WDPCP: variants seen among roughly 807,000 people sequenced by gnomAD.
The protein encoded by WDPCP is WD repeat containing planar cell polarity effector, also known as WD repeat-containing and planar cell polarity effector protein fritz homolog.
In WDPCP, 71 loss-of-function variants were observed where a neutral mutation model predicts 93.1. The ratio of observed to expected loss-of-function variants is 0.76; its 90% CI spans 0.63 to 0.93. WDPCP has a LOEUF of 0.93. Ranked by LOEUF, WDPCP falls within the 40% of genes least tolerant of loss-of-function variation. WDPCP has a pLI of 0.00. For synonymous variants in WDPCP, 315 were observed against 315.0 expected (o/e 1.00, Z 0.00); for missense variants, 844 against 887.4 (o/e 0.95, Z 0.62).
chr2:63,363,203 G>A (rs1690620897), intron 12 of WDPCP, among the ~76,000 whole-genome samples: 1 of 151,924 alleles, frequency 6.6e-6, no homozygotes, highest in Admixed American at 6.6e-5. Context: ...AAATTAACAT[G>A]GTTCATATTA....
chr2:63,716,121 G>C (rs1182539563), intron 2 of WDPCP, among the ~76,000 whole-genome samples: 1 of 152,212 alleles, frequency 6.6e-6, no homozygotes, highest in Non-Finnish European at 1.5e-5. Context: ...AGGTTAGTAA[G>C]CGTTTCTCTG....
At chr2:63,478,648 G>C (rs763701943) in intron 6 of WDPCP, among the ~76,000 whole-genome samples, 75 of 151,986 alleles carry the variant, frequency 4.9e-4, no homozygotes, top group Non-Finnish European at 9.0e-4. Context: ...TAGTGACTCA[G>C]CCTATCAAAA....
At chr2:63,693,098 C>A (rs1341208084) in intron 2 of WDPCP, among the ~76,000 whole-genome samples, 1 of 152,144 alleles carries the variant, frequency 6.6e-6, no homozygotes, top group African/African-American at 2.4e-5. Context: ...GTGGCAAATG[C>A]AAACTCTGGT....
At chr2:63,483,893 C>T (rs1268101277) in intron 6 of WDPCP, among the ~76,000 whole-genome samples, 2 of 151,874 alleles carry the variant, frequency 1.3e-5, no homozygotes, top group African/African-American at 4.8e-5. Flanking sequence ...AATCAGTGTA[C>T]ACTAATTATT....
chr2:63,699,740 T>C (rs73937264), intron 2 of WDPCP, among the ~76,000 whole-genome samples: 9,331 of 152,258 alleles, frequency 0.061, 425 homozygotes, highest in African/African-American at 0.12. Context: ...AAAAGAAATA[T>C]TGAATCTAAG....
chr2:63,454,156 C>T (rs563375566), intron 6 of WDPCP, among the ~76,000 whole-genome samples: 1 of 150,956 alleles, frequency 6.6e-6, no homozygotes, highest in African/African-American at 2.4e-5. Flanking sequence ...ACATATACAC[C>T]ATGGAATACT....
chr2:63,183,967 G>A (rs1342083850), intron 14 of WDPCP, among the ~76,000 whole-genome samples: 1 of 151,872 alleles, frequency 6.6e-6, no homozygotes, highest in Non-Finnish European at 1.5e-5. Flanking sequence ...GTTTCTGTTT[G>A]TGCAGGAGAT....
chr2:63,771,613 T>C (rs1223097972), intron 2 of WDPCP, among the ~76,000 whole-genome samples: 1 of 151,946 alleles, frequency 6.6e-6, no homozygotes, highest in Non-Finnish European at 1.5e-5. Flanking sequence ...TTATATTGCA[T>C]GATGCTGAGG....
intron 13 of WDPCP, among the ~76,000 whole-genome samples, chr2:63,268,954 T>G (rs1276089960): frequency 6.6e-6 from 1 of 152,138 alleles, no homozygotes; most frequent in Non-Finnish European, 1.5e-5. Flanking sequence ...ACAATTGTTA[T>G]CTGTCAATTA....
chr2:63,358,441 G>A (rs1690185079), intron 12 of WDPCP, among the ~76,000 whole-genome samples: 1 of 152,086 alleles, frequency 6.6e-6, no homozygotes, highest in Non-Finnish European at 1.5e-5. Flanking sequence ...TGATTTCCCA[G>A]TATATAGATA....
intron 2 of WDPCP, among the ~76,000 whole-genome samples, chr2:63,784,340 A>C (rs1575772335): frequency 6.6e-6 from 1 of 152,254 alleles, no homozygotes; most frequent in Non-Finnish European, 1.5e-5. Flanking sequence ...CCAAGACTAA[A>C]ATAATGTTGC....
intron 2 of WDPCP, among the ~76,000 whole-genome samples, chr2:63,657,888 C>T (rs1484162701): frequency 1.3e-5 from 2 of 152,152 alleles, no homozygotes; most frequent in Non-Finnish European, 2.9e-5. Flanking sequence ...CCCCTCACCA[C>T]CTACAACACC....
chr2:63,230,807 A>C (rs1678800496), intron 14 of WDPCP, among the ~76,000 whole-genome samples: 1 of 151,956 alleles, frequency 6.6e-6, no homozygotes, highest in African/African-American at 2.4e-5. Context: ...GAATTTGTTT[A>C]AGTTCTTTGT....
At chr2:63,173,119 T>C (rs577901174) in intron 15 of WDPCP, among the ~76,000 whole-genome samples, 4 of 151,764 alleles carry the variant, frequency 2.6e-5, no homozygotes, top group African/African-American at 4.8e-5. Flanking sequence ...AAATAAAAAA[T>C]TAGCAGGGCA....
At position 63,611,987 on chromosome 2, in the gene WDPCP, T is replaced by C. The variant is rs140874570; in HGVS notation, n.488+38672A>G. 2.3e-3 allele frequency among the ~76,000 whole-genome samples: 354 copies of C among 152,334 alleles called. 1 individual carries two copies. Among genetic ancestry groups the C allele is most frequent in the African/African-American group, 7.5e-3 (313 of 41,584 alleles). ...TCTCATGTCCTTACCACCATCACCC[T>C]GGTCCAAGCCATCATTATTTCTTCA... On this transcript the variant is annotated intron_variant and non_coding_transcript_variant, in intron 3 of 4. Coordinates refer to the WDPCP transcript ENST00000467687.
At chr2:63,733,481 C>T (rs1467059267) in intron 2 of WDPCP, among the ~76,000 whole-genome samples, 2 of 146,704 alleles carry the variant, frequency 1.4e-5, no homozygotes, top group South Asian at 2.1e-4. Context: ...GGATTACAGG[C>T]GTGAGCCACC....
chr2:63,803,156 G>A (rs1670718862), intron 2 of WDPCP, among the ~76,000 whole-genome samples: 1 of 152,062 alleles, frequency 6.6e-6, no homozygotes, highest in African/African-American at 2.4e-5. Flanking sequence ...TAATAATTAA[G>A]CTGTTATGAA....
chr2:63,313,394 G>C (rs1686332753), intron 12 of WDPCP, 83 bp from the exon 13 acceptor site: 2 of 1,328,364 alleles, frequency 1.5e-6, no homozygotes, highest in Non-Finnish European at 2.1e-6. Flanking sequence ...ATATATCTGT[G>C]ATACTGTTTT....
intron 2 of WDPCP, among the ~76,000 whole-genome samples, chr2:63,710,248 G>A (rs7559197): frequency 0.095 from 14,512 of 152,142 alleles, 1,153 homozygotes; most frequent in African/African-American, 0.22. Flanking sequence ...AAGTAAGATC[G>A]GGGTATTTAT....
Sources: gnomAD v4.1 joint callset for allele counts (sites outside exome capture counted in the v4.1 genomes callset) on GRCh38, gnomAD v4.1.1 for gene constraint, MANE v1.5 for transcripts, NCBI Gene and HGNC (gene_info 2026-07-23, HGNC 2026-07-21) for gene names.